Variants in STAU2 observed in about 807,000 individuals in gnomAD.
The protein encoded by STAU2 is double-stranded RNA-binding protein Staufen homolog 2.
Under a neutral mutation model 65.9 loss-of-function variants are expected in STAU2, and 20 were observed. The ratio of observed to expected loss-of-function variants is 0.30; its 90% CI spans 0.21 to 0.44. STAU2 has a LOEUF of 0.44. Among genes scored for constraint, STAU2 ranks in the 20% least tolerant of loss-of-function variants. The probability of loss-of-function intolerance (pLI) is 1.00; values close to 1 mark genes in which losing one functional copy is unlikely to be tolerated. For missense variants in STAU2, 558 were observed against 683.9 expected (o/e 0.82, Z 2.05); for synonymous variants, 232 against 233.9 (o/e 0.99, Z 0.07).
chr8:73,726,723 TTC>T (rs767330327), intron 3 of STAU2, among the ~76,000 whole-genome samples: 168 of 152,216 alleles, frequency 1.1e-3, no homozygotes, highest in Non-Finnish European at 2.1e-3. Context: ...CACATCATCT[TTC>T]TGTTTTCCCC....
At chr8:73,538,052 G>T (rs2128936296) in intron 13 of STAU2, among the ~76,000 whole-genome samples, 1 of 152,300 alleles carries the variant, frequency 6.6e-6, no homozygotes, top group East Asian at 1.9e-4. Flanking sequence ...CTTCAAAAGG[G>T]TTAAGATTGT....
chr8:73,472,799 T>C (rs1436435499), intron 13 of STAU2, among the ~76,000 whole-genome samples: 1 of 152,150 alleles, frequency 6.6e-6, no homozygotes, highest in Non-Finnish European at 1.5e-5. Flanking sequence ...CACCTTCGGC[T>C]GTATTAAGGG....
intron 3 of STAU2, among the ~76,000 whole-genome samples, chr8:73,736,165 C>T (rs1806415627): frequency 6.6e-6 from 1 of 152,140 alleles, no homozygotes; most frequent in Non-Finnish European, 1.5e-5. Context: ...TAAATAATAA[C>T]TTTACATGAG....
intron 5 of STAU2, among the ~76,000 whole-genome samples, chr8:73,684,679 A>T (rs1389980824): frequency 2.6e-5 from 4 of 152,224 alleles, no homozygotes; most frequent in Non-Finnish European, 5.9e-5. Context: ...CACAACCCAT[A>T]GAGTAGGAGA....
At chr8:73,692,316 G>GC (rs1190716372) in intron 4 of STAU2, among the ~76,000 whole-genome samples, 5 of 151,624 alleles carry the variant, frequency 3.3e-5, no homozygotes, top group Admixed American at 2.0e-4. Flanking sequence ...TCCTACCTCA[G>GC]CCCCCCAAGT....
At chr8:73,623,076 C>A (rs1813381865) in intron 6 of STAU2, among the ~76,000 whole-genome samples, 1 of 152,210 alleles carries the variant, frequency 6.6e-6, no homozygotes, top group East Asian at 1.9e-4. Context: ...AGAATGTATA[C>A]TGGTTCCTTT....
chr8:73,707,145 G>A (rs531898434), intron 4 of STAU2, among the ~76,000 whole-genome samples: 17 of 152,292 alleles, frequency 1.1e-4, no homozygotes, highest in Admixed American at 7.8e-4. Flanking sequence ...TGGAGGAGCT[G>A]GGCAAGTCAG....
At chr8:73,734,348 G>C (rs1341338067) in intron 3 of STAU2, among the ~76,000 whole-genome samples, 2 of 148,398 alleles carry the variant, frequency 1.3e-5, no homozygotes, top group Admixed American at 1.4e-4. Context: ...ACAATTTAAA[G>C]GCAGAAAAGT....
intron 6 of STAU2, among the ~76,000 whole-genome samples, chr8:73,618,885 C>T (rs919352380): frequency 1.3e-5 from 2 of 152,152 alleles, no homozygotes; most frequent in Non-Finnish European, 2.9e-5. Flanking sequence ...GATGACATCA[C>T]GGTTTCGGAA....
intron 4 of STAU2, among the ~76,000 whole-genome samples, chr8:73,699,858 A>T (rs1819958635): frequency 7.0e-6 from 1 of 143,200 alleles, no homozygotes; most frequent in Non-Finnish European, 1.5e-5. Flanking sequence ...CCAAACACAC[A>T]TCAAAAAAAA....
chr8:73,715,463 A>AAAAG (rs528091228), intron 3 of STAU2, among the ~76,000 whole-genome samples: 7,227 of 147,806 alleles, frequency 0.049, 384 homozygotes, highest in Admixed American at 0.14. Flanking sequence ...AAAAAAAAAA[A>AAAAG]AAAGAAAGAA....
chr8:73,459,787 T>C (rs1420930157), intron 13 of STAU2, among the ~76,000 whole-genome samples: 1 of 152,216 alleles, frequency 6.6e-6, no homozygotes. Flanking sequence ...GCTGAATATA[T>C]GCATTCAATA....
At chr8:73,575,669 A>G (rs974286326) in intron 12 of STAU2, among the ~76,000 whole-genome samples, 2 of 152,184 alleles carry the variant, frequency 1.3e-5, no homozygotes, top group African/African-American at 4.8e-5. Flanking sequence ...TGTTAAGCTA[A>G]AATAAAATGG....
At chr8:73,498,129 G>A (rs543861105) in intron 13 of STAU2, among the ~76,000 whole-genome samples, 30 of 151,918 alleles carry the variant, frequency 2.0e-4, no homozygotes, top group South Asian at 8.3e-4. Context: ...ATTTAGCAGA[G>A]CCAGCCTGCC....
chr8:73,545,519 A>C (rs889770274), intron 13 of STAU2, among the ~76,000 whole-genome samples: 1 of 152,216 alleles, frequency 6.6e-6, no homozygotes, highest in Non-Finnish European at 1.5e-5. Context: ...AGTAAAAACA[A>C]GTAAACTACA....
intron 6 of STAU2, among the ~76,000 whole-genome samples, chr8:73,648,016 C>A (rs1815520249): frequency 6.6e-6 from 1 of 152,096 alleles, no homozygotes; most frequent in South Asian, 2.1e-4. Flanking sequence ...TAAAATGTAA[C>A]CAATGGGGGA....
At chr8:73,431,893 A>G (rs1259368507) in intron 13 of STAU2, among the ~76,000 whole-genome samples, 1 of 152,216 alleles carries the variant, frequency 6.6e-6, no homozygotes, top group Non-Finnish European at 1.5e-5. Flanking sequence ...ACAGTTTGTA[A>G]CGACAATGTA....
chr8:73,709,308 C>A, intron 3 of STAU2, 146 bp from the exon 4 acceptor site: 3 of 675,702 alleles, frequency 4.4e-6, no homozygotes, highest in Non-Finnish European at 6.8e-6. Flanking sequence ...CTAATGTCTT[C>A]CATTACATGC....
intron 3 of STAU2, among the ~76,000 whole-genome samples, chr8:73,722,160 T>C (rs2130712273): frequency 6.6e-6 from 1 of 152,316 alleles, no homozygotes; most frequent in East Asian, 1.9e-4. Context: ...AAAAGAATCT[T>C]ATAACAGTAT....
Sources: allele counts gnomAD v4.1 joint callset (sites outside exome capture counted in the v4.1 genomes callset), GRCh38; gene constraint gnomAD v4.1.1; transcripts MANE v1.5; gene names NCBI Gene and HGNC (gene_info 2026-07-23, HGNC 2026-07-21).